The following TENM3 variants were observed in gnomAD, a reference collection of about 807,000 sequenced individuals.
TENM3 encodes the protein teneurin transmembrane protein 3.
Under a neutral mutation model 255.1 loss-of-function variants are expected in TENM3, and 63 were observed. The observed-to-expected ratio is 0.25, with a 90% CI of 0.20 to 0.30. The LOEUF (loss-of-function observed/expected upper bound fraction) is 0.30. Ranked by LOEUF, TENM3 falls within the 10% of genes least tolerant of loss-of-function variation. The probability of loss-of-function intolerance (pLI) is 1.00; values close to 1 mark genes in which losing one functional copy is unlikely to be tolerated. For synonymous variants in TENM3, 1,306 were observed against 1,322.3 expected (o/e 0.99, Z 0.27); for missense variants, 2,929 against 3,461.1 (o/e 0.85, Z 3.86).
the TENM3 span, among the ~76,000 whole-genome samples, chr4:181,752,743 G>C: frequency 6.6e-6 from 1 of 151,544 alleles, no homozygotes; most frequent in Non-Finnish European, 1.5e-5. Flanking sequence ...AAAAAGTCAA[G>C]TCAGCAGTTG....
the TENM3 span, among the ~76,000 whole-genome samples, chr4:181,798,089 A>ATG: frequency 2.5e-4 from 18 of 72,970 alleles, no homozygotes; most frequent in East Asian, 0.012. Flanking sequence ...ATTTCAAAAT[A>ATG]AGTGTGTGTG....
At chr4:182,605,874 T>C (rs1426165027) in intron 4 of TENM3, among the ~76,000 whole-genome samples, 2 of 152,184 alleles carry the variant, frequency 1.3e-5, no homozygotes, top group Non-Finnish European at 2.9e-5. Flanking sequence ...TACCCTGGAA[T>C]TGCAGCATAA....
intron 3 of TENM3, among the ~76,000 whole-genome samples, chr4:182,357,659 T>C (rs1432218265): frequency 1.3e-5 from 2 of 151,098 alleles, no homozygotes; most frequent in Admixed American, 1.3e-4. Context: ...TTCTCCCATT[T>C]TGTGGGTTGC....
chr4:181,771,630 G>A, the TENM3 span, among the ~76,000 whole-genome samples: 8 of 152,166 alleles, frequency 5.3e-5, no homozygotes, highest in Non-Finnish European at 7.4e-5. Context: ...GAACCAACTC[G>A]TCTCTGTTCC....
the TENM3 span, among the ~76,000 whole-genome samples, chr4:181,565,771 C>A: frequency 2.0e-5 from 3 of 152,034 alleles, no homozygotes; most frequent in Non-Finnish European, 2.9e-5. Context: ...AAGTAGATTG[C>A]AATTAATCAA....
At chr4:182,761,213 G>T (rs1461211286) in intron 22 of TENM3, among the ~76,000 whole-genome samples, 1 of 152,140 alleles carries the variant, frequency 6.6e-6, no homozygotes, top group Non-Finnish European at 1.5e-5. Flanking sequence ...GAGGTCAGGA[G>T]TTCAAGACCA....
intron 22 of TENM3, among the ~76,000 whole-genome samples, chr4:182,769,657 G>A (rs1579425834): frequency 6.6e-6 from 1 of 152,040 alleles, no homozygotes; most frequent in Admixed American, 6.6e-5. Context: ...AGTGGCAGGC[G>A]CCTGTAATCC....
At position 182,350,924 on chromosome 4, in the gene TENM3, C is replaced by A. The variant is rs192667230; in HGVS notation, c.511+3995C>A. ...GGTCTCAATCTCTTGACCTCGTGATCTGCCCGCCTCTGCCTCCCAAAGTGC... is the reference window on the plus strand; with the variant it reads ...GGTCTCAATCTCTTGACCTCGTGATATGCCCGCCTCTGCCTCCCAAAGTGC... On this transcript the variant is annotated intron_variant, in intron 3 of 27. Transcript: ENST00000511685. Among the ~76,000 whole-genome samples the A allele has an allele frequency of 5.0e-3, 756 of 152,158 alleles. 10 individuals carry two copies. Among genetic ancestry groups the A allele is most frequent in the African/African-American group, 0.018 (734 of 41,498 alleles).
intron 16 of TENM3, among the ~76,000 whole-genome samples, chr4:182,736,419 C>G (rs1219752628): frequency 6.6e-6 from 1 of 152,238 alleles, no homozygotes; most frequent in Non-Finnish European, 1.5e-5. Flanking sequence ...TGAGAATCCA[C>G]TGTGACTACT....
chr4:182,442,707 T>A (rs1049524542), intron 3 of TENM3, among the ~76,000 whole-genome samples: 72 of 152,182 alleles, frequency 4.7e-4, no homozygotes, highest in African/African-American at 1.6e-3. Context: ...TCCTCCTGCC[T>A]CAGCCTCCAG....
chr4:181,694,174 AAAG>A, the TENM3 span, among the ~76,000 whole-genome samples: 8 of 152,216 alleles, frequency 5.3e-5, no homozygotes, highest in Non-Finnish European at 8.8e-5. Context: ...TAAGGAAAAT[AAAG>A]AAGAATTGAA....
chr4:181,492,680 C>G, the TENM3 span, among the ~76,000 whole-genome samples: 1 of 151,754 alleles, frequency 6.6e-6, no homozygotes, highest in Non-Finnish European at 1.5e-5. Context: ...TTTTTTTATC[C>G]CAGCTAAACT....
chr4:182,695,647 G>A (rs576372902), intron 12 of TENM3, among the ~76,000 whole-genome samples: 1 of 152,306 alleles, frequency 6.6e-6, no homozygotes, highest in South Asian at 2.1e-4. Flanking sequence ...GGAGTTACTA[G>A]ATGAAGATAC....
chr4:182,216,662 A>C (rs1368584898), intron 1 of TENM3, among the ~76,000 whole-genome samples: 1 of 152,238 alleles, frequency 6.6e-6, no homozygotes, highest in African/African-American at 2.4e-5. Flanking sequence ...TATTTTAGAC[A>C]TTATTTATGA....
At chr4:181,760,188 C>A in the TENM3 span, among the ~76,000 whole-genome samples, 3 of 151,602 alleles carry the variant, frequency 2.0e-5, no homozygotes, top group East Asian at 5.8e-4. Context: ...GAAAGATTTC[C>A]CCCTCTTCCT....
At chr4:182,441,853 T>C (rs981947804) in intron 3 of TENM3, among the ~76,000 whole-genome samples, 2 of 152,216 alleles carry the variant, frequency 1.3e-5, no homozygotes, top group African/African-American at 4.8e-5. Context: ...GGTGTCTCTT[T>C]TGTGCAAGAC....
the TENM3 span, among the ~76,000 whole-genome samples, chr4:181,480,980 T>C: frequency 5.9e-5 from 9 of 151,752 alleles, no homozygotes; most frequent in Non-Finnish European, 1.2e-4. Flanking sequence ...ATATGGAGAT[T>C]TCTCATACAG....
the TENM3 span, among the ~76,000 whole-genome samples, chr4:181,516,398 G>C: frequency 6.7e-6 from 1 of 149,736 alleles, no homozygotes; most frequent in Admixed American, 6.7e-5. Context: ...AAAGAGCTAA[G>C]GCTAAGGGAA....
the TENM3 span, among the ~76,000 whole-genome samples, chr4:181,649,001 G>C: frequency 6.6e-6 from 1 of 152,166 alleles, no homozygotes; most frequent in Non-Finnish European, 1.5e-5. Context: ...CGCAGAGCTG[G>C]TGCAGGTGCA....
Sources: gnomAD v4.1 joint callset for allele counts (sites outside exome capture counted in the v4.1 genomes callset) on GRCh38, gnomAD v4.1.1 for gene constraint, MANE v1.5 for transcripts, NCBI Gene and HGNC (gene_info 2026-07-23, HGNC 2026-07-21) for gene names.